AKAP19: variants seen among roughly 807,000 people sequenced by gnomAD.
AKAP19 encodes A-kinase anchoring protein 19.
the AKAP19 span, among the ~76,000 whole-genome samples, chr2:190,177,008 T>C: frequency 2.6e-5 from 4 of 152,132 alleles, no homozygotes; most frequent in Admixed American, 2.0e-4. The surrounding 1 kb of genome is among the most constrained non-coding windows in gnomAD (Gnocchi z 4.6). Context: ...ATTTTTTTTT[T>C]CCCTAGACCA....
At chr2:190,181,953 A>G in the AKAP19 span, among the ~76,000 whole-genome samples, 1 of 152,238 alleles carries the variant, frequency 6.6e-6, no homozygotes, top group South Asian at 2.1e-4. Context: ...TCTGCTTTCA[A>G]GCAGAATGGT....
the AKAP19 span, among the ~76,000 whole-genome samples, chr2:189,988,540 A>G: frequency 6.6e-6 from 1 of 152,218 alleles, no homozygotes; most frequent in African/African-American, 2.4e-5. Flanking sequence ...GTTTCCTCAT[A>G]TGAGAAGCCT....
At chr2:189,957,788 T>G in the AKAP19 span, among the ~76,000 whole-genome samples, 5 of 151,766 alleles carry the variant, frequency 3.3e-5, no homozygotes, top group East Asian at 9.7e-4. Context: ...ACAAAAAGAG[T>G]GAAAAGACAA....
At chr2:190,043,474 T>G in the AKAP19 span, among the ~76,000 whole-genome samples, 1 of 152,188 alleles carries the variant, frequency 6.6e-6, no homozygotes, top group African/African-American at 2.4e-5. Flanking sequence ...TCAGCTTGAT[T>G]TATTCTGCTG....
At chr2:190,164,033 G>A in the AKAP19 span, 5 of 152,330 alleles carry the variant, frequency 3.3e-5, no homozygotes, top group East Asian at 9.6e-4. Context: ...GAATGAGACC[G>A]ACTGGTGGAG....
the AKAP19 span, among the ~76,000 whole-genome samples, chr2:190,094,194 A>C: frequency 6.6e-6 from 1 of 152,238 alleles, no homozygotes; most frequent in Non-Finnish European, 1.5e-5. Flanking sequence ...AGGAAAGTAT[A>C]TCTCCATTTG....
chr2:190,059,733 G>C, the AKAP19 span, among the ~76,000 whole-genome samples: 3 of 151,970 alleles, frequency 2.0e-5, no homozygotes, highest in Admixed American at 2.0e-4. Flanking sequence ...ACTATATAGA[G>C]TTAATATTTT....
At chr2:190,067,389 T>G in the AKAP19 span, among the ~76,000 whole-genome samples, 5 of 152,154 alleles carry the variant, frequency 3.3e-5, no homozygotes, top group Admixed American at 6.5e-5. Flanking sequence ...GTAGTACTTT[T>G]TACACTACTT....
the AKAP19 span, among the ~76,000 whole-genome samples, chr2:190,186,399 G>A: frequency 6.6e-6 from 1 of 151,948 alleles, no homozygotes; most frequent in Non-Finnish European, 1.5e-5. The surrounding 1 kb of genome is among the most constrained non-coding windows in gnomAD (Gnocchi z 5.5). Flanking sequence ...AGAAATTTTG[G>A]CCCCAAGTGT....
At chr2:189,918,196 T>C in the AKAP19 span, among the ~76,000 whole-genome samples, 2 of 152,128 alleles carry the variant, frequency 1.3e-5, no homozygotes, top group Non-Finnish European at 2.9e-5. Flanking sequence ...TGTTGTTTCA[T>C]CCATTAAACA....
chr2:190,089,804 G>A, the AKAP19 span, among the ~76,000 whole-genome samples: 3 of 152,078 alleles, frequency 2.0e-5, no homozygotes, highest in African/African-American at 7.2e-5. Flanking sequence ...TGAGTCTTAC[G>A]TCCTAAGTCT....
At chr2:190,001,214 C>A in the AKAP19 span, among the ~76,000 whole-genome samples, 5 of 151,970 alleles carry the variant, frequency 3.3e-5, no homozygotes, top group African/African-American at 1.2e-4. Flanking sequence ...TCTGTTGGTT[C>A]TTTGTTGTCA....
At chr2:189,908,199 C>CTTT in the AKAP19 span, among the ~76,000 whole-genome samples, 3,237 of 141,294 alleles carry the variant, frequency 0.023, 67 homozygotes, top group Non-Finnish European at 0.034. Context: ...TTACTATATA[C>CTTT]TTTTTTTTTT....
At chr2:189,944,782 G>A in the AKAP19 span, among the ~76,000 whole-genome samples, 2 of 152,248 alleles carry the variant, frequency 1.3e-5, no homozygotes, top group East Asian at 3.9e-4. Context: ...CCCAAATGCT[G>A]CAGAATACTC....
the AKAP19 span, among the ~76,000 whole-genome samples, chr2:189,938,063 C>T: frequency 2.1e-3 from 323 of 152,098 alleles, 3 homozygotes; most frequent in African/African-American, 7.2e-3. Flanking sequence ...AGGCCAGGTG[C>T]GGTGGCTCAT....
chr2:190,191,796 C>T, the AKAP19 span, among the ~76,000 whole-genome samples: 3 of 152,152 alleles, frequency 2.0e-5, no homozygotes, highest in East Asian at 3.8e-4. Context: ...TTTCAAATCT[C>T]GTTTTCTAAA....
the AKAP19 span, chr2:190,180,667 T>C: frequency 1.0e-6 from 1 of 985,044 alleles, no homozygotes; most frequent in South Asian, 4.7e-5. This position sits in a 1 kb window ranked among gnomAD's most constrained non-coding sequence, Gnocchi z 6.8. Flanking sequence ...CCTGAGGAAG[T>C]ATCGAGGCAA....
At chr2:190,002,960 C>T in the AKAP19 span, among the ~76,000 whole-genome samples, 1 of 151,898 alleles carries the variant, frequency 6.6e-6, no homozygotes, top group Non-Finnish European at 1.5e-5. Flanking sequence ...ACTCCATTGC[C>T]ATCATTTTCT....
the AKAP19 span, among the ~76,000 whole-genome samples, chr2:190,121,078 T>G: frequency 6.6e-6 from 1 of 152,124 alleles, no homozygotes; most frequent in Non-Finnish European, 1.5e-5. Flanking sequence ...TTGGAAATTT[T>G]TTTTAAAAGT....
Sources: allele counts gnomAD v4.1 joint callset (sites outside exome capture counted in the v4.1 genomes callset), GRCh38; gene constraint gnomAD v4.1.1; non-coding constraint Gnocchi (gnomAD v3.1); transcripts MANE v1.5; gene names NCBI Gene and HGNC (gene_info 2026-07-23, HGNC 2026-07-21).